The following ARL15 variants were observed in gnomAD, a reference collection of about 807,000 sequenced individuals.
The protein encoded by ARL15 is ARF like GTPase 15.
Under a neutral mutation model 25.2 loss-of-function variants are expected in ARL15, and 19 were observed. That is an observed-to-expected ratio of 0.75 (90% confidence interval 0.53 to 1.10). The LOEUF is 1.10. ARL15 is among the 50% of genes least tolerant of loss of function. The pLI is 0.00. For synonymous variants in ARL15, 94 were observed against 86.8 expected (o/e 1.08, Z -0.46); for missense variants, 220 against 246.0 (o/e 0.89, Z 0.71).
At chr5:54,144,203 A>AT (rs962986593) in intron 3 of ARL15, among the ~76,000 whole-genome samples, 8 of 133,454 alleles carry the variant, frequency 6.0e-5, no homozygotes, top group South Asian at 2.3e-4. Flanking sequence ...ACATCTAAAT[A>AT]TTTTTTTTTC....
intron 4 of ARL15, among the ~76,000 whole-genome samples, chr5:53,897,240 C>T (rs1321714221): frequency 6.6e-6 from 1 of 152,172 alleles, no homozygotes; most frequent in Non-Finnish European, 1.5e-5. Context: ...TAATAGTCAT[C>T]CCCCAATTAT....
chr5:54,169,879 G>A (rs1240505475), intron 2 of ARL15, among the ~76,000 whole-genome samples: 4 of 152,094 alleles, frequency 2.6e-5, no homozygotes, highest in African/African-American at 7.2e-5. Flanking sequence ...AATCTTCTCT[G>A]GGGTCTCTAC....
At chr5:53,943,755 G>A (rs1580104010) in intron 4 of ARL15, among the ~76,000 whole-genome samples, 1 of 152,136 alleles carries the variant, frequency 6.6e-6, no homozygotes. Context: ...ACCAAAGCTG[G>A]ATAAATTTTC....
chr5:53,907,430 G>A (rs1351150343), intron 4 of ARL15, among the ~76,000 whole-genome samples: 1 of 123,286 alleles, frequency 8.1e-6, no homozygotes, highest in African/African-American at 3.1e-5. Flanking sequence ...GCATGGAGAA[G>A]AAGGTTGAAA....
intron 4 of ARL15, among the ~76,000 whole-genome samples, chr5:53,968,279 A>G (rs1461089664): frequency 6.6e-6 from 1 of 152,216 alleles, no homozygotes; most frequent in Non-Finnish European, 1.5e-5. Flanking sequence ...AACCTGGCAT[A>G]TCTAATTTTT....
intron 4 of ARL15, among the ~76,000 whole-genome samples, chr5:53,994,819 C>G (rs1748617247): frequency 6.6e-6 from 1 of 152,070 alleles, no homozygotes; most frequent in Non-Finnish European, 1.5e-5. Flanking sequence ...TGAAAACACA[C>G]AAACCTCAAA....
At chr5:54,143,919 A>G (rs1753836829) in intron 3 of ARL15, among the ~76,000 whole-genome samples, 1 of 152,022 alleles carries the variant, frequency 6.6e-6, no homozygotes, top group Non-Finnish European at 1.5e-5. Context: ...AATTGCCTTT[A>G]AGACACATAA....
At chr5:54,082,034 T>C (rs981080602) in intron 4 of ARL15, among the ~76,000 whole-genome samples, 3 of 141,988 alleles carry the variant, frequency 2.1e-5, no homozygotes, top group Admixed American at 7.5e-5. Flanking sequence ...GAGGTTGTAG[T>C]GAGCCAAGAC....
At chr5:54,258,735 T>G (rs1757427953) in intron 1 of ARL15, among the ~76,000 whole-genome samples, 3 of 151,898 alleles carry the variant, frequency 2.0e-5, no homozygotes, top group African/African-American at 7.2e-5. Context: ...GGGCATGAAA[T>G]GAAAAACAGA....
intron 3 of ARL15, among the ~76,000 whole-genome samples, chr5:54,114,436 G>A (rs1294854858): frequency 8.2e-6 from 1 of 122,508 alleles, no homozygotes; most frequent in Admixed American, 8.6e-5. Context: ...ACACCACATG[G>A]AGAGTCTCAT....
At chr5:54,185,979 T>C (rs1300725526) in intron 1 of ARL15, among the ~76,000 whole-genome samples, 1 of 152,144 alleles carries the variant, frequency 6.6e-6, no homozygotes, top group Non-Finnish European at 1.5e-5. Flanking sequence ...TTTGCAATAA[T>C]AACAACAATT....
intron 1 of ARL15, among the ~76,000 whole-genome samples, chr5:54,269,162 G>A (rs1259699225): frequency 1.3e-5 from 2 of 151,792 alleles, no homozygotes; most frequent in Non-Finnish European, 2.9e-5. Flanking sequence ...CATGGCACAT[G>A]TATACATATG....
At chr5:54,114,361 G>A (rs111631870) in intron 3 of ARL15, among the ~76,000 whole-genome samples, 6 of 120,202 alleles carry the variant, frequency 5.0e-5, no homozygotes, top group Non-Finnish European at 8.0e-5. Flanking sequence ...CCAAGATCGC[G>A]CCACTGCACT....
chr5:54,166,656 G>A (rs74744453), intron 2 of ARL15, among the ~76,000 whole-genome samples: 81 of 152,100 alleles, frequency 5.3e-4, no homozygotes, highest in Non-Finnish European at 1.0e-3. Flanking sequence ...CCTAGCTTAG[G>A]TTTAAAGTTG....
At chr5:53,980,915 A>C (rs1748097880) in intron 4 of ARL15, among the ~76,000 whole-genome samples, 1 of 152,134 alleles carries the variant, frequency 6.6e-6, no homozygotes, top group East Asian at 1.9e-4. Flanking sequence ...CAGGAGTTCA[A>C]GGCTGCAGTG....
At chr5:53,901,216 T>C (rs955714785) in intron 4 of ARL15, among the ~76,000 whole-genome samples, 2 of 152,198 alleles carry the variant, frequency 1.3e-5, no homozygotes, top group African/African-American at 4.8e-5. Flanking sequence ...CAAAAGAGCA[T>C]TCATTTTTGG....
chr5:53,997,949 A>C (rs1748734615), intron 4 of ARL15, among the ~76,000 whole-genome samples: 2 of 152,054 alleles, frequency 1.3e-5, no homozygotes, highest in Non-Finnish European at 2.9e-5. Flanking sequence ...TCTCTTAGTA[A>C]TCATAATCCC....
At chr5:54,270,863 T>C (rs1757765893) in intron 1 of ARL15, among the ~76,000 whole-genome samples, 1 of 152,238 alleles carries the variant, frequency 6.6e-6, no homozygotes, top group Admixed American at 6.5e-5. Flanking sequence ...GATTGGCATG[T>C]GAGTCTGAGC....
intron 1 of ARL15, among the ~76,000 whole-genome samples, chr5:54,254,493 T>C (rs564553996): frequency 9.2e-5 from 14 of 152,372 alleles, no homozygotes; most frequent in African/African-American, 3.4e-4. Flanking sequence ...CTGTATTTTC[T>C]TTTATGACTA....
Sources: allele counts gnomAD v4.1 joint callset (sites outside exome capture counted in the v4.1 genomes callset), GRCh38; gene constraint gnomAD v4.1.1; transcripts MANE v1.5; gene names NCBI Gene and HGNC (gene_info 2026-07-23, HGNC 2026-07-21).